Variants in SDCCAG8 observed in about 807,000 individuals in gnomAD.
The protein encoded by SDCCAG8 is serologically defined colon cancer antigen 8.
SDCCAG8 carries 74 observed loss-of-function variants against 101.8 expected under a neutral mutation model. The ratio of observed to expected loss-of-function variants is 0.73; its 90% CI spans 0.60 to 0.88. The LOEUF (loss-of-function observed/expected upper bound fraction) is 0.88, where lower values mean the gene tolerates loss of function less well. SDCCAG8 is among the 40% of genes least tolerant of loss of function. The pLI, the probability that SDCCAG8 is intolerant of heterozygous loss-of-function variation, is 0.00. For synonymous variants in SDCCAG8, 281 were observed against 292.9 expected (o/e 0.96, Z 0.41); for missense variants, 787 against 822.6 (o/e 0.96, Z 0.53).
chr1:243,382,347 G>T (rs968017983), intron 13 of SDCCAG8, among the ~76,000 whole-genome samples: 1 of 152,134 alleles, frequency 6.6e-6, no homozygotes, highest in Non-Finnish European at 1.5e-5. Context: ...TGCAACCCAT[G>T]GGTCAAGTCT....
chr1:243,360,434 G>A (rs1341587550), intron 12 of SDCCAG8, among the ~76,000 whole-genome samples: 1 of 152,108 alleles, frequency 6.6e-6, no homozygotes, highest in East Asian at 1.9e-4. Context: ...TTACAGGCGT[G>A]AGCCCCCATG....
chr1:243,392,351 C>G (rs527398252), intron 13 of SDCCAG8, among the ~76,000 whole-genome samples: 10 of 152,282 alleles, frequency 6.6e-5, no homozygotes, highest in Middle Eastern at 3.4e-3. Context: ...CTTAAATGAT[C>G]CTCTTTGTCT....
intron 10 of SDCCAG8, among the ~76,000 whole-genome samples, chr1:243,335,774 A>G (rs967699251): frequency 2.1e-5 from 3 of 143,288 alleles, no homozygotes; most frequent in Admixed American, 6.9e-5. Context: ...TAGTTTTTCA[A>G]CCCCTACCCC....
intron 13 of SDCCAG8, among the ~76,000 whole-genome samples, chr1:243,402,698 TC>T (rs1033143637): frequency 5.9e-5 from 9 of 152,164 alleles, no homozygotes; most frequent in African/African-American, 2.2e-4. Context: ...TTTCCAGCTT[TC>T]CCACAATGCC....
chr1:243,373,784 G>A (rs571166902), intron 12 of SDCCAG8, among the ~76,000 whole-genome samples: 14 of 152,068 alleles, frequency 9.2e-5, no homozygotes, highest in Non-Finnish European at 2.1e-4. Flanking sequence ...AAGGGAGATG[G>A]GAGTGAATAT....
At chr1:243,400,208 C>T (rs1397623226) in intron 13 of SDCCAG8, among the ~76,000 whole-genome samples, 1 of 152,190 alleles carries the variant, frequency 6.6e-6, no homozygotes, top group African/African-American at 2.4e-5. Flanking sequence ...CACACTGTGA[C>T]TCTCTTAGAA....
chr1:243,451,945 A>G (rs73120328), intron 16 of SDCCAG8, among the ~76,000 whole-genome samples: 5,674 of 152,218 alleles, frequency 0.037, 209 homozygotes, highest in African/African-American at 0.096. Flanking sequence ...TAAAATAAAA[A>G]GTTGATTGCG....
chr1:243,309,295 A>T (rs2072476625), intron 8 of SDCCAG8, among the ~76,000 whole-genome samples: 1 of 152,174 alleles, frequency 6.6e-6, no homozygotes, highest in Non-Finnish European at 1.5e-5. Flanking sequence ...CAATTTTCTC[A>T]TTTTTAAAAT....
rs138259251 is a variant in SDCCAG8 at position 243,391,647 on chromosome 1, G to C, written c.1616+12784G>C. Among the ~76,000 whole-genome samples, 327 of 152,314 alleles carry C rather than the reference G, an allele frequency of 2.1e-3. 4 individuals carry two copies. The highest frequency in any genetic ancestry group is 7.7e-3 in the African/African-American group (320 of 41,574). ...CAAAGGGATTCCTTCCCCAGGGTGG[G>C]CACCAGTGAATAAGCAGGGCATCCC... On this transcript the variant is annotated intron_variant, in intron 13 of 17. Coordinates refer to ENST00000366541, the MANE Select transcript of SDCCAG8 (RefSeq NM_006642.5).
chr1:243,292,664 A>G (rs749847841), intron 5 of SDCCAG8, among the ~76,000 whole-genome samples: 13 of 152,246 alleles, frequency 8.5e-5, no homozygotes, highest in Non-Finnish European at 1.8e-4. Context: ...TAATGATTAA[A>G]TGAGTTAATA....
rs78449463 is a variant in SDCCAG8 at position 243,287,127 on chromosome 1, G to T, written c.546+730G>T. ...ATTATCTCTATAATTCTGTGACAGA[G>T]AATTATTGTGGTGACATTTAAATAG... On this transcript the variant is annotated intron_variant, in intron 5 of 17. Transcript: ENST00000366541. 4.1e-3 allele frequency among the ~76,000 whole-genome samples: 630 copies of T among 152,290 alleles called. 6 individuals are homozygous for T. Among genetic ancestry groups the T allele is most frequent in the African/African-American group, 0.014 (579 of 41,570 alleles).
chr1:243,363,471 T>C (rs2076831873), intron 12 of SDCCAG8, among the ~76,000 whole-genome samples: 2 of 152,176 alleles, frequency 1.3e-5, no homozygotes, highest in African/African-American at 2.4e-5. Context: ...TAAACCCGTG[T>C]TGGGAAACTC....
At chr1:243,335,942 C>T (rs536742177) in intron 10 of SDCCAG8, among the ~76,000 whole-genome samples, 3 of 152,300 alleles carry the variant, frequency 2.0e-5, no homozygotes, top group East Asian at 3.9e-4. Context: ...CCTCCACTTG[C>T]GTCCATGTTC....
At chr1:243,354,615 G>C (rs1193626941) in intron 12 of SDCCAG8, among the ~76,000 whole-genome samples, 1 of 152,220 alleles carries the variant, frequency 6.6e-6, no homozygotes, top group East Asian at 1.9e-4. Context: ...AAATCTCTTC[G>C]GCCAGAGTTT....
chr1:243,380,170 C>T (rs944324115), intron 13 of SDCCAG8, among the ~76,000 whole-genome samples: 1 of 152,014 alleles, frequency 6.6e-6, no homozygotes, highest in Non-Finnish European at 1.5e-5. Context: ...AGATGAAACA[C>T]ATATATGAGA....
chr1:243,478,267 G>A (rs1407037248), intron 16 of SDCCAG8, among the ~76,000 whole-genome samples: 2 of 152,254 alleles, frequency 1.3e-5, no homozygotes, highest in African/African-American at 4.8e-5. Flanking sequence ...TGGATTTAGA[G>A]TCAAGAGATG....
chr1:243,439,175 A>T (rs2082354861), intron 16 of SDCCAG8, among the ~76,000 whole-genome samples: 1 of 151,802 alleles, frequency 6.6e-6, no homozygotes, highest in African/African-American at 2.4e-5. Flanking sequence ...ATTTTTTGAG[A>T]CAGGGTCTCA....
chr1:243,313,708 C>G (rs2072976626), intron 8 of SDCCAG8, among the ~76,000 whole-genome samples: 1 of 152,226 alleles, frequency 6.6e-6, no homozygotes. Flanking sequence ...CCCTTTCACT[C>G]TCACATTGAT....
intron 8 of SDCCAG8, among the ~76,000 whole-genome samples, chr1:243,311,306 T>C (rs982092487): frequency 1.3e-5 from 2 of 152,100 alleles, no homozygotes; most frequent in South Asian, 4.2e-4. Flanking sequence ...CAAAACAAAA[T>C]GGCTAAAGAT....
Sources: gnomAD v4.1 joint callset for allele counts (sites outside exome capture counted in the v4.1 genomes callset) on GRCh38, gnomAD v4.1.1 for gene constraint, MANE v1.5 for transcripts, NCBI Gene and HGNC (gene_info 2026-07-23, HGNC 2026-07-21) for gene names.